The following SLC8A3 variants were observed in gnomAD, a reference collection of about 807,000 sequenced individuals.
SLC8A3 encodes the protein sodium/calcium exchanger 3.
Under a neutral mutation model 65.4 loss-of-function variants are expected in SLC8A3, and 37 were observed. That is an observed-to-expected ratio of 0.57 (90% CI 0.44 to 0.74). The LOEUF is 0.74. SLC8A3 is among the 30% of genes least tolerant of loss of function. The pLI, the probability that SLC8A3 is intolerant of heterozygous loss-of-function variation, is 0.00. For missense variants in SLC8A3, 1,112 were observed against 1,172.1 expected (o/e 0.95, Z 0.75); for synonymous variants, 461 against 444.5 (o/e 1.04, Z -0.47).
intron 2 of SLC8A3, among the ~76,000 whole-genome samples, chr14:70,062,152 A>G (rs1279187264): frequency 6.6e-6 from 1 of 150,788 alleles, no homozygotes; most frequent in East Asian, 2.0e-4. Context: ...GCTAAGAACT[A>G]AATGCTCTAA....
In SLC8A3 at chr14:70,166,675, G is replaced by A. The variant is rs781372047; in HGVS notation, c.1748C>T (p.Thr583Ile). The change falls in exon 2 of 7, where the codon ACA (threonine) becomes ATA (isoleucine). Residue 583 changes from threonine to isoleucine, a missense_variant. By Grantham distance (89) the Thr-to-Ile change is moderately conservative. Coordinates refer to ENST00000356921, the MANE Select transcript of SLC8A3 (RefSeq NM_182932.3). ...AKGGGEDFED[T>I]YGELEFKNDE... ...ATTCTTGAATTCCAACTCCCCATAT[G>A]TGTCTTCAAAGTCCTCACCGCCACC... 3 of 1,610,576 alleles carry A rather than the reference G, an allele frequency of 1.9e-6. No individual in the cohort carries two copies. Among genetic ancestry groups the A allele is most frequent in the African/African-American group, 1.3e-5 (1 of 74,830 alleles).
chr14:70,124,489 T>C (rs143326564), intron 2 of SLC8A3, among the ~76,000 whole-genome samples: 167 of 152,386 alleles, frequency 1.1e-3, no homozygotes, highest in African/African-American at 3.9e-3. Context: ...TTGCTTCTCA[T>C]ATCCTGATGA....
At position 70,110,751 on chromosome 14, in the gene SLC8A3, G is replaced by T. The variant is rs1028006920; in HGVS notation, c.1785-49812C>A. Among the ~76,000 whole-genome samples the T allele has an allele frequency of 4.9e-5, 7 of 144,018 alleles. No homozygotes were observed. The East Asian group carries it at 1.4e-3, about 30-fold the overall frequency. The allele number at this position is 144,018 out of a possible 152,430, so 94.5% of individuals were successfully genotyped here. ...GCCAGACTGCAGTGGTGCTATCTCG[G>T]CTCACTGAAAGTTACGCCTCCCAGG... is the stretch of plus-strand genomic sequence containing the variant. On this transcript the variant is annotated intron_variant, in intron 2 of 6. Transcript: ENST00000356921.
At chr14:70,138,811 A>G (rs1895387125) in intron 2 of SLC8A3, among the ~76,000 whole-genome samples, 1 of 152,240 alleles carries the variant, frequency 6.6e-6, no homozygotes, top group South Asian at 2.1e-4. Context: ...AAAGGACCAC[A>G]GTCTCAGTGC....
intron 2 of SLC8A3, among the ~76,000 whole-genome samples, chr14:70,074,296 G>T (rs1222520585): frequency 6.6e-6 from 1 of 152,220 alleles, no homozygotes; most frequent in Non-Finnish European, 1.5e-5. Context: ...TTCCAATTTA[G>T]AGTTCTTCCC....
intron 2 of SLC8A3, among the ~76,000 whole-genome samples, chr14:70,152,559 C>T (rs1470357180): frequency 6.6e-6 from 1 of 151,886 alleles, no homozygotes; most frequent in Non-Finnish European, 1.5e-5. Context: ...TTCTAACCCC[C>T]AGGAGGGCTG....
Position 70,118,475 on chromosome 14 carries a change from C to T in SLC8A3, c.1784+48164G>A, listed in dbSNP as rs532902933. Among the ~76,000 whole-genome samples the T allele has an allele frequency of 2.6e-5, 4 of 152,346 alleles. No homozygotes were observed. The East Asian group carries it at 7.7e-4, about 29-fold the overall frequency. ...TCTGCCTAGAGCTCAGCCTTTTCAG[C>T]TCTGGCCATGTTGTAAGGTCTAAGC... On this transcript the variant is annotated intron_variant, in intron 2 of 6. Transcript: ENST00000356921.
intron 1 of SLC8A3, among the ~76,000 whole-genome samples, chr14:70,184,176 C>A (rs1444320558): frequency 6.6e-6 from 1 of 152,130 alleles, no homozygotes; most frequent in Non-Finnish European, 1.5e-5. Flanking sequence ...GAAACCCCCG[C>A]CCTCACCTTC....
chr14:70,141,519 C>T (rs1238064625), intron 2 of SLC8A3, among the ~76,000 whole-genome samples: 1 of 152,156 alleles, frequency 6.6e-6, no homozygotes, highest in East Asian at 1.9e-4. Context: ...GGAGCTTAGT[C>T]AGTTCCTGTG....
chr14:70,158,875 C>T (rs1448576134), intron 2 of SLC8A3, among the ~76,000 whole-genome samples: 2 of 152,294 alleles, frequency 1.3e-5, no homozygotes, highest in Non-Finnish European at 2.9e-5. Context: ...AACTCTCATG[C>T]CATCTGAAAA....
intron 2 of SLC8A3, among the ~76,000 whole-genome samples, chr14:70,157,193 C>A (rs902746505): frequency 1.3e-5 from 2 of 152,174 alleles, no homozygotes; most frequent in Non-Finnish European, 2.9e-5. Context: ...AGTGCTCTCT[C>A]TGGGGTGTTG....
chr14:70,163,709 G>A (rs538987240), intron 2 of SLC8A3, among the ~76,000 whole-genome samples: 1 of 152,166 alleles, frequency 6.6e-6, no homozygotes, highest in African/African-American at 2.4e-5. Context: ...CCACTTCTTT[G>A]CTGGGTCTCC....
rs1206311512 is a variant in SLC8A3 at position 70,168,128 on chromosome 14, T to G, written c.295A>C (p.Met99Leu). 1.2e-6 allele frequency: 2 copies of G among 1,614,008 alleles called. No individual in the cohort carries two copies. The highest frequency in any genetic ancestry group is 1.3e-5 in the African/African-American group (1 of 74,894). Reference sequence around the variant, plus strand: ...GAGGTGATGACTTCAATAGATGCCATGAAGCGGTCAGCAATGATGGACACC... The same window carrying G: ...GAGGTGATGACTTCAATAGATGCCAGGAAGCGGTCAGCAATGATGGACACC... ...LGVSIIADRF[M>L]ASIEVITSQE... The change falls in exon 2 of 7, where the codon ATG becomes CTG. Residue 99 changes from methionine (M) to leucine (L), a missense_variant. Met to Leu is a conservative substitution (Grantham distance 15). Coordinates refer to ENST00000356921, the MANE Select transcript of SLC8A3 (RefSeq NM_182932.3).
intron 2 of SLC8A3, among the ~76,000 whole-genome samples, chr14:70,109,310 TACACATTATATATATAC>T (rs1893112061): frequency 6.7e-6 from 1 of 148,776 alleles, no homozygotes; most frequent in South Asian, 2.1e-4. Context: ...TGTATATATA[TACACATTATATATATAC>T]ACACACACAT....
chr14:70,113,670 AAG>A (rs901190950), intron 2 of SLC8A3, among the ~76,000 whole-genome samples: 2 of 152,218 alleles, frequency 1.3e-5, no homozygotes, highest in Non-Finnish European at 2.9e-5. Context: ...GCTAAAGGGA[AAG>A]AGAGATTAAA....
At chr14:70,169,692 G>A (rs749994995) in intron 1 of SLC8A3, among the ~76,000 whole-genome samples, 9 of 11,472 alleles carry the variant, frequency 7.8e-4, no homozygotes, top group Non-Finnish European at 1.1e-3. Context: ...AAAAAAAAGT[G>A]GGGGGGGGGG....
chr14:70,172,899 CA>C (rs941035830), intron 1 of SLC8A3, among the ~76,000 whole-genome samples: 12 of 150,994 alleles, frequency 7.9e-5, no homozygotes, highest in African/African-American at 2.9e-4. Context: ...GAGCTTTAGT[CA>C]AAAAAAAGGA....
intron 2 of SLC8A3, among the ~76,000 whole-genome samples, chr14:70,146,239 C>T (rs1003789690): frequency 2.0e-5 from 3 of 152,234 alleles, no homozygotes; most frequent in East Asian, 1.9e-4. Context: ...TGTGTAATGT[C>T]GACAATGCCA....
intron 2 of SLC8A3, among the ~76,000 whole-genome samples, chr14:70,117,839 C>T (rs1367744343): frequency 6.6e-6 from 1 of 152,208 alleles, no homozygotes; most frequent in Non-Finnish European, 1.5e-5. Flanking sequence ...ACAGTAGAGG[C>T]AGTCTCTACA....
Sources: allele counts gnomAD v4.1 joint callset (sites outside exome capture counted in the v4.1 genomes callset), GRCh38; gene constraint gnomAD v4.1.1; transcripts MANE v1.5; gene names NCBI Gene and HGNC (gene_info 2026-07-23, HGNC 2026-07-21).